Variants in GPRASP3 observed in about 807,000 individuals in gnomAD.
GPRASP3 encodes G protein-coupled receptor associated sorting protein 3.
At chrX:102,724,582 T>G in the GPRASP3 span, among the ~76,000 whole-genome samples, 93 of 111,245 alleles carry the variant, frequency 8.4e-4, no homozygotes, top group Admixed American at 1.1e-3. Context: ...CTGTTGTGGG[T>G]ATTGCATTTA....
chrX:102,727,172 G>A, the GPRASP3 span, among the ~76,000 whole-genome samples: 1 of 112,455 alleles, frequency 8.9e-6, no homozygotes, highest in South Asian at 3.7e-4. Flanking sequence ...TGTAAGTACT[G>A]ACGTAGGGCA....
chrX:102,752,936 AT>A, the GPRASP3 span: 131 of 114,049 alleles, frequency 1.1e-3, no homozygotes, highest in Non-Finnish European at 5.9e-5. Flanking sequence ...CATCCGACTA[AT>A]TTTTTTTTTT....
chrX:102,739,474 C>G, the GPRASP3 span, among the ~76,000 whole-genome samples: 1 of 110,912 alleles, frequency 9.0e-6, no homozygotes, highest in Middle Eastern at 4.6e-3. Context: ...CCTTCATGTG[C>G]TCACAAAAAC....
At chrX:102,724,348 A>G in the GPRASP3 span, among the ~76,000 whole-genome samples, 1 of 112,018 alleles carries the variant, frequency 8.9e-6, no homozygotes, top group Admixed American at 9.5e-5. Context: ...TTTGCTGTGT[A>G]TTCTACATCA....
the GPRASP3 span, among the ~76,000 whole-genome samples, chrX:102,727,714 C>A: frequency 2.7e-5 from 3 of 112,412 alleles, no homozygotes; most frequent in Non-Finnish European, 5.6e-5. Flanking sequence ...TCTATTCTTT[C>A]TTGCTTTCTC....
At chrX:102,752,009 C>G in the GPRASP3 span, 9 of 117,961 alleles carry the variant, frequency 7.6e-5, no homozygotes, top group African/African-American at 2.1e-4. Flanking sequence ...ATATGAAAGG[C>G]CAAGGGGCTT....
the GPRASP3 span, among the ~76,000 whole-genome samples, chrX:102,744,654 C>T: frequency 8.9e-6 from 1 of 112,094 alleles, no homozygotes; most frequent in Non-Finnish European, 1.9e-5. Context: ...GGTATTGGTA[C>T]TTTTAGGAAT....
At chrX:102,750,909 CTG>C in the GPRASP3 span, 5 of 241,504 alleles carry the variant, frequency 2.1e-5, no homozygotes, top group African/African-American at 1.4e-4. Context: ...TCATTAGTAT[CTG>C]TGGCTTAAAA....
chrX:102,735,182 G>A, the GPRASP3 span, among the ~76,000 whole-genome samples: 6 of 111,466 alleles, frequency 5.4e-5, no homozygotes. Flanking sequence ...GTGTCAAACC[G>A]AATTCTTAAT....
the GPRASP3 span, chrX:102,751,949 A>ATTTTTTTTTTTTTTTTTTTTTTTTTTTT: frequency 1.1e-5 from 1 of 90,069 alleles, no homozygotes. Context: ...TCATACCTTA[A>ATTTTTTTTTTTTTTTTTTTTTTTTTTTT]TTTTTTTTTT....
At chrX:102,742,774 C>T in the GPRASP3 span, among the ~76,000 whole-genome samples, 2 of 111,453 alleles carry the variant, frequency 1.8e-5, no homozygotes, top group South Asian at 7.5e-4. Flanking sequence ...AAATATGAAC[C>T]CCAAATATCT....
the GPRASP3 span, chrX:102,750,937 T>C: frequency 5.2e-6 from 1 of 192,534 alleles, no homozygotes; most frequent in Non-Finnish European, 1.0e-5. Flanking sequence ...AAAAAGAAAA[T>C]ATCCTTGAGT....
the GPRASP3 span, among the ~76,000 whole-genome samples, chrX:102,732,274 GC>G: frequency 8.9e-6 from 1 of 112,158 alleles, no homozygotes; most frequent in Non-Finnish European, 1.9e-5. Flanking sequence ...ACTCTTGCTA[GC>G]TGACAGGGCA....
At chrX:102,732,739 T>C in the GPRASP3 span, among the ~76,000 whole-genome samples, 1 of 112,268 alleles carries the variant, frequency 8.9e-6, no homozygotes, top group Non-Finnish European at 1.9e-5. Flanking sequence ...CAAGAATAAT[T>C]TTTTTTCACA....
At chrX:102,737,403 G>C in the GPRASP3 span, among the ~76,000 whole-genome samples, 1 of 112,524 alleles carries the variant, frequency 8.9e-6, no homozygotes, top group African/African-American at 3.2e-5. Context: ...GTGGTAAGCA[G>C]TTTTTACAAG....
At chrX:102,746,962 C>A in the GPRASP3 span, among the ~76,000 whole-genome samples, 1 of 112,105 alleles carries the variant, frequency 8.9e-6, no homozygotes, top group East Asian at 2.8e-4. Flanking sequence ...TCTCAACATG[C>A]TGATCCACTT....
At chrX:102,729,986 G>A in the GPRASP3 span, among the ~76,000 whole-genome samples, 2 of 111,858 alleles carry the variant, frequency 1.8e-5, no homozygotes, top group Non-Finnish European at 1.9e-5. Flanking sequence ...ACTGGGGGGC[G>A]AATGGCATGG....
chrX:102,726,754 C>G, the GPRASP3 span, among the ~76,000 whole-genome samples: 3 of 112,686 alleles, frequency 2.7e-5, no homozygotes, highest in East Asian at 8.3e-4. Context: ...TCTTTATAAT[C>G]TGGATATTTC....
At chrX:102,720,923 C>T in the GPRASP3 span, 1 of 111,919 alleles carries the variant, frequency 8.9e-6, no homozygotes, top group Non-Finnish European at 1.9e-5. Context: ...GTCAGCCAAC[C>T]GGGAGCGTCT....
Sources: allele counts gnomAD v4.1 joint callset (sites outside exome capture counted in the v4.1 genomes callset), GRCh38; gene constraint gnomAD v4.1.1; transcripts MANE v1.5; gene names NCBI Gene and HGNC (gene_info 2026-07-23, HGNC 2026-07-21).